The following PHACTR3 variants were observed in gnomAD, a reference collection of about 807,000 sequenced individuals.
The protein encoded by PHACTR3 is phosphatase and actin regulator 3.
In PHACTR3, 16 loss-of-function variants were observed where a neutral mutation model predicts 66.8. That is an observed-to-expected ratio of 0.24 (90% CI 0.16 to 0.36). PHACTR3 has a LOEUF of 0.36. Among genes scored for constraint, PHACTR3 ranks in the 10% least tolerant of loss-of-function variants. PHACTR3 has a pLI of 1.00. For synonymous variants in PHACTR3, 323 were observed against 292.1 expected (o/e 1.11, Z -1.08); for missense variants, 647 against 719.9 (o/e 0.90, Z 1.16).
intron 1 of PHACTR3, among the ~76,000 whole-genome samples, chr20:59,645,469 G>A (rs565447663): frequency 1.2e-4 from 18 of 152,000 alleles, no homozygotes; most frequent in Admixed American, 6.6e-5. Flanking sequence ...CGCCTTTCTC[G>A]TCACGTGTGT....
chr20:59,581,982 GA>G (rs1287039152), intron 1 of PHACTR3, among the ~76,000 whole-genome samples: 3 of 151,684 alleles, frequency 2.0e-5, no homozygotes, highest in Non-Finnish European at 2.9e-5. Context: ...AGTTTTTCTG[GA>G]AAAAAAATTA....
intron 2 of PHACTR3, among the ~76,000 whole-genome samples, chr20:59,747,328 C>T (rs772075461): frequency 5.3e-5 from 8 of 152,134 alleles, no homozygotes; most frequent in Non-Finnish European, 1.2e-4. Context: ...ATGTTAAGAG[C>T]GGCCAGGAGG....
intron 1 of PHACTR3, among the ~76,000 whole-genome samples, chr20:59,692,118 G>A (rs1009435312): frequency 1.3e-5 from 2 of 152,188 alleles, no homozygotes; most frequent in African/African-American, 4.8e-5. Context: ...GGTCAAAGTC[G>A]GAAGGAAGTT....
chr20:59,843,765 G>C (rs1436598176), intron 11 of PHACTR3: 1 of 152,076 alleles, frequency 6.6e-6, no homozygotes, highest in Admixed American at 6.6e-5. Context: ...CAGGACATTG[G>C]TCTAGGCAAA....
rs1487149032 is a variant in PHACTR3, at chr20:59,587,756, G to A, written c.109+10139G>A. On this transcript the variant is annotated intron_variant, in intron 1 of 12. Transcript: ENST00000359926. ...CAGCTGGAGCTGGGGCTGGAGCCGG[G>A]GCTGGGGCTGGGGCTGGGGCCTGGG... Among the ~76,000 whole-genome samples, 195 of 152,082 alleles carry A rather than the reference G, an allele frequency of 1.3e-3. 4 individuals are homozygous for A. The highest frequency in any genetic ancestry group is 0.013 in the Admixed American group (195 of 15,252).
intron 1 of PHACTR3, among the ~76,000 whole-genome samples, chr20:59,583,868 G>GT: frequency 6.6e-6 from 1 of 152,302 alleles, no homozygotes; most frequent in East Asian, 1.9e-4. Context: ...TCGATTTTGC[G>GT]TGATTACAGT....
chr20:59,583,170 G>A (rs570453738), intron 1 of PHACTR3, among the ~76,000 whole-genome samples: 5 of 152,182 alleles, frequency 3.3e-5, no homozygotes, highest in South Asian at 4.2e-4. Flanking sequence ...CTACTATAAC[G>A]TGTGTGAAAG....
At chr20:59,710,295 AC>A (rs1379342335) in intron 1 of PHACTR3, among the ~76,000 whole-genome samples, 2 of 152,134 alleles carry the variant, frequency 1.3e-5, no homozygotes, top group Non-Finnish European at 2.9e-5. Context: ...TTTATCCCAC[AC>A]CAGGAGTCTA....
intron 4 of PHACTR3, among the ~76,000 whole-genome samples, chr20:59,761,101 G>C (rs976257310): frequency 6.6e-6 from 1 of 152,120 alleles, no homozygotes; most frequent in Non-Finnish European, 1.5e-5. Flanking sequence ...TGGAATGTGA[G>C]TCTAGAACAA....
At chr20:59,618,291 G>C (rs546504179) in intron 1 of PHACTR3, among the ~76,000 whole-genome samples, 153 of 152,274 alleles carry the variant, frequency 1.0e-3, no homozygotes, top group African/African-American at 3.6e-3. Context: ...TGTCTGCCAT[G>C]AGGGAACCAT....
intron 1 of PHACTR3, among the ~76,000 whole-genome samples, chr20:59,741,855 C>T (rs1010854383): frequency 6.6e-6 from 1 of 151,916 alleles, no homozygotes; most frequent in South Asian, 2.1e-4. Flanking sequence ...CTTTGCCTCC[C>T]GGGTTGAAAC....
In PHACTR3 at chr20:59,670,610, G is replaced by T. The variant is rs561583824; in HGVS notation, c.118+65478G>T. ...GGACAGGCATCTGCCGGGGGTGGGG[G>T]GGGGGGGCAGGCACTTTTACTGTTT... On this transcript the variant is annotated intron_variant, in intron 1 of 12. Transcript: ENST00000371015. Among the ~76,000 whole-genome samples the T allele has an allele frequency of 3.8e-4, 52 of 137,290 alleles. 1 individual carries two copies. Among genetic ancestry groups the T allele is most frequent in the African/African-American group, 1.1e-3 (41 of 39,032 alleles). The allele number at this position is 137,290 out of a possible 152,430, so 90.1% of individuals were successfully genotyped here.
intron 1 of PHACTR3, among the ~76,000 whole-genome samples, chr20:59,674,850 T>G: frequency 1.4e-5 from 1 of 72,480 alleles, no homozygotes. Context: ...TTCTCCTGCC[T>G]TCTCCTGTTG....
chr20:59,657,060 A>T (rs144592460), intron 1 of PHACTR3, among the ~76,000 whole-genome samples: 2 of 152,154 alleles, frequency 1.3e-5, no homozygotes, highest in Admixed American at 1.3e-4. Flanking sequence ...ATAAAGAGCA[A>T]GTGCTCATTT....
intron 7 of PHACTR3, among the ~76,000 whole-genome samples, chr20:59,784,168 A>T (rs2040824873): frequency 6.6e-6 from 1 of 152,112 alleles, no homozygotes; most frequent in South Asian, 2.1e-4. Flanking sequence ...AGAAGAGGAA[A>T]TCTTGCCTCA....
In PHACTR3 at chr20:59,604,907, T is replaced by G. The variant is rs1221010744; in HGVS notation, c.-108T>G. 55 of 1,190,196 alleles carry G rather than the reference T, an allele frequency of 4.6e-5. No individual in the cohort carries two copies. In the African/African-American group the frequency reaches 7.5e-4, roughly 16 times the overall value. 73.7% of individuals were successfully genotyped at this position (1,190,196 alleles called of 1,614,324 possible). On this transcript the variant is annotated 5_prime_UTR_variant, in exon 1 of 13. Coordinates refer to ENST00000371015, the MANE Select transcript of PHACTR3 (RefSeq NM_080672.5). ...TTTTTTTTTTTTTTTTTTAATTTTCTTTTTTAAAAAGACGCCCCCTCCAGC... is the reference window on the plus strand; with the variant it reads ...TTTTTTTTTTTTTTTTTTAATTTTCGTTTTTAAAAAGACGCCCCCTCCAGC...
intron 11 of PHACTR3, chr20:59,844,249 G>A (rs192166744): frequency 6.6e-6 from 1 of 152,222 alleles, no homozygotes; most frequent in East Asian, 1.9e-4. Flanking sequence ...ATGGAAAACA[G>A]TATGGAGACT....
intron 7 of PHACTR3, among the ~76,000 whole-genome samples, chr20:59,799,369 G>T (rs1309243037): frequency 1.3e-5 from 2 of 152,234 alleles, no homozygotes; most frequent in East Asian, 3.9e-4. Flanking sequence ...TTAGAGAGGG[G>T]TTTTGAAATC....
At chr20:59,696,361 G>A (rs1051989128) in intron 1 of PHACTR3, among the ~76,000 whole-genome samples, 3 of 152,150 alleles carry the variant, frequency 2.0e-5, no homozygotes, top group African/African-American at 7.2e-5. Flanking sequence ...GCTCTTTCAG[G>A]GCTTTACTGA....
Sources: allele counts gnomAD v4.1 joint callset (sites outside exome capture counted in the v4.1 genomes callset), GRCh38; gene constraint gnomAD v4.1.1; transcripts MANE v1.5; gene names NCBI Gene and HGNC (gene_info 2026-07-23, HGNC 2026-07-21).